COL23A1: variants seen among roughly 807,000 people sequenced by gnomAD.
The protein encoded by COL23A1 is collagen type XXIII alpha 1 chain, also known as collagen alpha-1(XXIII) chain.
A neutral mutation model predicts 99.3 loss-of-function variants in COL23A1; 97 were observed. The observed-to-expected ratio is 0.98, with a 90% CI of 0.83 to 1.16. The LOEUF is 1.16. COL23A1 is among the 50% of genes most tolerant of loss of function. COL23A1 has a pLI of 0.00. For missense variants in COL23A1, 762 were observed against 757.4 expected, an observed-to-expected ratio of 1.01 and a Z score of -0.07; for synonymous variants, 320 against 308.2, an observed-to-expected ratio of 1.04 and a Z score of -0.40.
At chr5:178,523,948 G>A (rs898719909) in intron 2 of COL23A1, among the ~76,000 whole-genome samples, 4 of 152,072 alleles carry the variant, frequency 2.6e-5, no homozygotes, top group African/African-American at 9.7e-5. Context: ...TCCTATCTAC[G>A]ACCCTTCCTT....
chr5:178,292,853 T>G (rs1757535809), intron 3 of COL23A1, among the ~76,000 whole-genome samples: 1 of 152,102 alleles, frequency 6.6e-6, no homozygotes, highest in Non-Finnish European at 1.5e-5. Context: ...GTGGCACTGC[T>G]GCAAGTTAAA....
intron 2 of COL23A1, among the ~76,000 whole-genome samples, chr5:178,420,144 GA>G (rs2127794874): frequency 6.6e-6 from 1 of 152,318 alleles, no homozygotes; most frequent in East Asian, 1.9e-4. Context: ...CAGCAAGTCT[GA>G]GTTTCTACCG....
intron 2 of COL23A1, among the ~76,000 whole-genome samples, chr5:178,403,105 T>G (rs1222177847): frequency 1.7e-5 from 1 of 60,146 alleles, no homozygotes; most frequent in Non-Finnish European, 2.6e-5. Flanking sequence ...AGAGACTCCA[T>G]CTCAAAAAAA....
Position 178,384,777 on chromosome 5 carries a change from G to A in COL23A1, c.362-77858C>T, listed in dbSNP as rs989636309. On this transcript the variant is annotated intron_variant, in intron 2 of 28. Transcript: ENST00000390654. This position sits in a 1 kb window ranked among gnomAD's most constrained non-coding sequence, Gnocchi z 5.5. ...CACGACCCTTGTACCACCCGGGGAC[G>A]GCCCAGAACAGCCTGGGGCTTGGAG... Among the ~76,000 whole-genome samples, 3 of 152,216 alleles carry A rather than the reference G, an allele frequency of 2.0e-5. No individual in the cohort carries two copies. The highest frequency in any genetic ancestry group is 6.5e-5 in the Admixed American group (1 of 15,290).
At chr5:178,367,567 T>C (rs1762556992) in intron 2 of COL23A1, among the ~76,000 whole-genome samples, 1 of 152,024 alleles carries the variant, frequency 6.6e-6, no homozygotes, top group Non-Finnish European at 1.5e-5. Context: ...GAACACTAGG[T>C]CCCACTGTAC....
intron 1 of COL23A1, chr5:178,562,742 G>GGGA (rs1762661398): frequency 7.6e-6 from 1 of 130,938 alleles, no homozygotes; most frequent in African/African-American, 3.1e-5. Flanking sequence ...GTGGTGGGGG[G>GGGA]GGTGCGGGCT....
chr5:178,511,441 T>C (rs1367608863), intron 2 of COL23A1, among the ~76,000 whole-genome samples: 1 of 152,232 alleles, frequency 6.6e-6, no homozygotes, highest in Non-Finnish European at 1.5e-5. Context: ...TCATTCCTTC[T>C]TTCCCCAATC....
At chr5:178,545,639 T>C (rs80261175) in intron 2 of COL23A1, among the ~76,000 whole-genome samples, 11,739 of 152,070 alleles carry the variant, frequency 0.077, 763 homozygotes, top group Middle Eastern at 0.22. Context: ...TCTCCATGAT[T>C]GAGCAGAAGG....
chr5:178,556,086 G>A (rs924589327), intron 2 of COL23A1, among the ~76,000 whole-genome samples: 2 of 152,130 alleles, frequency 1.3e-5, no homozygotes, highest in African/African-American at 2.4e-5. Context: ...ACACAGGGTC[G>A]GAAATGACCC....
intron 2 of COL23A1, among the ~76,000 whole-genome samples, chr5:178,560,411 C>A (rs1273977845): frequency 6.6e-6 from 1 of 152,100 alleles, no homozygotes; most frequent in Non-Finnish European, 1.5e-5. Flanking sequence ...GCTGCTACTT[C>A]CCTACCATCT....
intron 2 of COL23A1, among the ~76,000 whole-genome samples, chr5:178,321,449 G>GTTATAACCTGTGATGACGAGGA (rs1211307951): frequency 8.6e-4 from 116 of 134,160 alleles, no homozygotes; most frequent in Non-Finnish European, 1.5e-3. Flanking sequence ...GTCCATCCAT[G>GTTATAACCTGTGATGACGAGGA]TTATAACCTG....
At chr5:178,485,628 AAG>A (rs1164371448) in intron 2 of COL23A1, among the ~76,000 whole-genome samples, 1 of 151,858 alleles carries the variant, frequency 6.6e-6, no homozygotes, top group African/African-American at 2.4e-5. Context: ...CAAAAAAATA[AAG>A]TTAGCCAGGT....
intron 1 of COL23A1, among the ~76,000 whole-genome samples, chr5:178,585,217 T>G (rs1313073689): frequency 6.6e-6 from 1 of 152,170 alleles, no homozygotes; most frequent in Non-Finnish European, 1.5e-5. Context: ...GGCCAGTGGA[T>G]GACTGAACCC....
chr5:178,451,247 T>G (rs1316602495), intron 2 of COL23A1, among the ~76,000 whole-genome samples: 2 of 152,208 alleles, frequency 1.3e-5, no homozygotes, highest in African/African-American at 4.8e-5. Flanking sequence ...TCTTAATCAG[T>G]ACAATTATTT....
chr5:178,570,268 C>G (rs1254407629), intron 1 of COL23A1, among the ~76,000 whole-genome samples: 1 of 151,960 alleles, frequency 6.6e-6, no homozygotes, highest in Non-Finnish European at 1.5e-5. Flanking sequence ...GCCGCCAAGT[C>G]AGGCTAATTT....
At chr5:178,290,338 G>A in intron 4 of COL23A1, 24 bp downstream of exon 4, 2 of 1,613,964 alleles carry the variant, frequency 1.2e-6, no homozygotes, top group Non-Finnish European at 1.7e-6. Context: ...TTCAGAAGCA[G>A]ACAGCACAGT....
rs2127524693 is a variant in COL23A1, at chr5:178,242,240, GC to G, written c.1494+100del. 3 of 1,480,624 alleles carry G rather than the reference GC, an allele frequency of 2.0e-6. No individual in the cohort carries two copies. In the South Asian group the frequency reaches 3.6e-5, roughly 18 times the overall value. The allele number at this position is 1,480,624 out of a possible 1,614,324, so 91.7% of individuals were successfully genotyped here. The stretch of plus-strand genomic sequence containing the variant: ...AGCCTCCCCCTGCCTCCGCCCACCT[GC>G]CCGGCCTGGGTTCTCTCTACCTGCT... On this transcript the variant is annotated intron_variant, in intron 26 of 28. Transcript: ENST00000390654.
chr5:178,439,891 G>A lies in COL23A1; in HGVS notation c.361+120791C>T, dbSNP rs973591179. The A allele has an allele frequency of 8.5e-5, 13 of 152,186 alleles. No individual in the cohort carries two copies. Among genetic ancestry groups the A allele is most frequent in the Admixed American group, 2.0e-4 (3 of 15,280 alleles). The allele number at this position is 152,186 out of a possible 1,614,324, so 9.4% of individuals were successfully genotyped here. ...CAACATGGATGAGCCCCAGAAATGC[G>A]ACGCTGAGTGACAGAAGCCAGACAC... On this transcript the variant is annotated intron_variant, in intron 2 of 28. Transcript: ENST00000390654. The surrounding 1 kb of genome is among the most constrained non-coding windows in gnomAD (Gnocchi z 4.2).
At chr5:178,565,417 C>T (rs2113611826) in intron 1 of COL23A1, among the ~76,000 whole-genome samples, 1 of 152,312 alleles carries the variant, frequency 6.6e-6, no homozygotes, top group East Asian at 1.9e-4. Flanking sequence ...AAATGCTGAC[C>T]ACAGGCACAG....
Sources: gnomAD v4.1 joint callset for allele counts (sites outside exome capture counted in the v4.1 genomes callset) on GRCh38, gnomAD v4.1.1 for gene constraint, Gnocchi (gnomAD v3.1) non-coding constraint, MANE v1.5 for transcripts, NCBI Gene and HGNC (gene_info 2026-07-23, HGNC 2026-07-21) for gene names.